The following CRPPA variants were observed in gnomAD, a reference collection of about 807,000 sequenced individuals.
CRPPA encodes D-ribitol-5-phosphate cytidylyltransferase.
A neutral mutation model predicts 52.0 loss-of-function variants in CRPPA; 43 were observed. The ratio of observed to expected loss-of-function variants is 0.83; its 90% CI spans 0.65 to 1.07. The LOEUF (loss-of-function observed/expected upper bound fraction) is 1.07, where lower values mean the gene tolerates loss of function less well. Among genes scored for constraint, CRPPA ranks in the 50% least tolerant of loss-of-function variants. The pLI is 0.00. For missense variants in CRPPA, 629 were observed against 551.7 expected (o/e 1.14, Z -1.40); for synonymous variants, 250 against 203.5 (o/e 1.23, Z -1.94).
chr7:16,140,722 G>A (rs1024671947), intron 9 of CRPPA, among the ~76,000 whole-genome samples: 1 of 152,062 alleles, frequency 6.6e-6, no homozygotes, highest in Admixed American at 6.6e-5. Flanking sequence ...GTTTCAATGG[G>A]TATCAAAAAT....
chr7:16,407,351 A>G (rs539647383), intron 1 of CRPPA, among the ~76,000 whole-genome samples: 1 of 152,180 alleles, frequency 6.6e-6, no homozygotes, highest in Non-Finnish European at 1.5e-5. Context: ...TTGCTGCTGC[A>G]TTAGAGTCTG....
chr7:16,087,865 T>G lies in CRPPA; in HGVS notation c.*3830A>C, dbSNP rs573582828. 6.6e-6 allele frequency: 1 copy of G among 152,314 alleles called. No homozygotes were observed. Among genetic ancestry groups the G allele is most frequent in the Admixed American group, 6.5e-5 (1 of 15,304 alleles). 9.4% of individuals were successfully genotyped at this position (152,314 alleles called of 1,614,324 possible). A position where few individuals can be genotyped will look rare whatever the true frequency, so the allele number is the denominator to read the frequency against. ...ATGTTAGATTTATGCCTCTGTGAAT[T>G]TGTAGTTTCAACATTAAAACAAAGT... On this transcript the variant is annotated 3_prime_UTR_variant, in exon 10 of 10. Transcript: ENST00000407010.
chr7:16,413,388 C>T (rs979568611), intron 1 of CRPPA, among the ~76,000 whole-genome samples: 18 of 152,278 alleles, frequency 1.2e-4, no homozygotes, highest in Admixed American at 4.6e-4. Flanking sequence ...AAATACAAGT[C>T]CCATGACTCA....
intron 2 of CRPPA, among the ~76,000 whole-genome samples, chr7:16,377,231 C>G (rs576389961): frequency 2.0e-4 from 31 of 152,210 alleles, no homozygotes; most frequent in African/African-American, 7.2e-4. Context: ...TCCAGTGCCT[C>G]AAGCAGAAAT....
intron 3 of CRPPA, among the ~76,000 whole-genome samples, chr7:16,369,752 G>A (rs1399695826): frequency 6.6e-6 from 1 of 152,174 alleles, no homozygotes; most frequent in Non-Finnish European, 1.5e-5. Flanking sequence ...AGGGGGTAGA[G>A]ATTCACATTG....
intron 8 of CRPPA, 34 bp downstream of exon 8, chr7:16,258,356 A>G (rs780233814): frequency 7.6e-7 from 1 of 1,318,390 alleles, no homozygotes; most frequent in East Asian, 2.3e-5. Flanking sequence ...AAGGAAGCAT[A>G]AGTTTGAGAA....
At chr7:16,377,823 A>G (rs1786935896) in intron 2 of CRPPA, among the ~76,000 whole-genome samples, 2 of 152,274 alleles carry the variant, frequency 1.3e-5, no homozygotes, top group Admixed American at 1.3e-4. Context: ...GCCCCTCAGC[A>G]CTATGGCACA....
chr7:16,120,861 T>C (rs1562514177), intron 9 of CRPPA, among the ~76,000 whole-genome samples: 1 of 151,940 alleles, frequency 6.6e-6, no homozygotes, highest in African/African-American at 2.4e-5. Context: ...GATAAGGATT[T>C]AAAAAATACA....
At chr7:16,371,012 G>C (rs970460340) in intron 3 of CRPPA, among the ~76,000 whole-genome samples, 2 of 152,152 alleles carry the variant, frequency 1.3e-5, no homozygotes, top group African/African-American at 4.8e-5. Context: ...GATATGAATA[G>C]CCAGAACACT....
chr7:16,421,112 TG>T lies in CRPPA; in HGVS notation c.210del (p.Ile71SerfsTer20). ...MGVPTPKQFC[P>X]ILERPLISYT... ...TAGCTGATGAGCGGCCTCTCCAGGATGGGGCAGAATTGCTTCGGGGTGGGGA... is the reference window on the plus strand; with the variant it reads ...TAGCTGATGAGCGGCCTCTCCAGGATGGGCAGAATTGCTTCGGGGTGGGGA... On this transcript the variant is annotated frameshift_variant, in exon 1 of 10. Coordinates refer to ENST00000407010, the MANE Select transcript of CRPPA (RefSeq NM_001101426.4). LOFTEE classifies it high-confidence loss of function. 7.6e-7 allele frequency: 1 copy of T among 1,312,408 alleles called. No individual in the cohort carries two copies. The highest frequency in any genetic ancestry group is 9.8e-7 in the Non-Finnish European group (1 of 1,023,872). 81.3% of individuals were successfully genotyped at this position (1,312,408 alleles called of 1,614,324 possible).
chr7:16,107,454 AT>A (rs1358498212), intron 9 of CRPPA, among the ~76,000 whole-genome samples: 1 of 152,162 alleles, frequency 6.6e-6, no homozygotes, highest in Non-Finnish European at 1.5e-5. Flanking sequence ...CCAGGAGAAA[AT>A]GGGATGATAT....
In CRPPA at chr7:16,208,916, C is replaced by A. The variant is rs529061478; in HGVS notation, c.1251+7150G>T. The A allele has an allele frequency of 2.7e-5, 8 of 294,546 alleles. 1 individual carries two copies. The highest frequency in any genetic ancestry group is 1.4e-4 in the Admixed American group (4 of 28,494). 18.2% of individuals were successfully genotyped at this position (294,546 alleles called of 1,614,324 possible). A position where few individuals can be genotyped will look rare whatever the true frequency, so the allele number is the denominator to read the frequency against. On this transcript the variant is annotated intron_variant, in intron 9 of 9. Coordinates refer to ENST00000407010, the MANE Select transcript of CRPPA (RefSeq NM_001101426.4). The stretch of plus-strand genomic sequence containing the variant: ...TTAGAATGAATAGAAAGATTTGAGT[C>A]TTTCCATGCCAATAGCATTCCCACA...
intron 4 of CRPPA, among the ~76,000 whole-genome samples, chr7:16,306,447 C>T (rs181126920): frequency 2.0e-5 from 3 of 152,258 alleles, no homozygotes; most frequent in Admixed American, 1.3e-4. Flanking sequence ...AATATAAACA[C>T]CTCACCAAAA....
chr7:16,288,773 G>T (rs1175671899), intron 5 of CRPPA, among the ~76,000 whole-genome samples: 1 of 137,830 alleles, frequency 7.3e-6, no homozygotes, highest in Admixed American at 8.2e-5. Flanking sequence ...TTCAACCGGG[G>T]AAGAGGAGGT....
At chr7:16,362,856 T>C (rs1184668434) in intron 3 of CRPPA, among the ~76,000 whole-genome samples, 2 of 152,188 alleles carry the variant, frequency 1.3e-5, no homozygotes, top group Admixed American at 1.3e-4. Flanking sequence ...ATAAGGCTTG[T>C]CAGAGGTTTG....
chr7:16,252,734 C>G (rs1019191750), intron 8 of CRPPA, among the ~76,000 whole-genome samples: 1 of 152,090 alleles, frequency 6.6e-6, no homozygotes, highest in Admixed American at 6.6e-5. Context: ...CGGTCTGGTC[C>G]TGGATTTTTT....
intron 3 of CRPPA, among the ~76,000 whole-genome samples, chr7:16,327,406 C>A (rs867649074): frequency 6.6e-6 from 1 of 151,864 alleles, no homozygotes; most frequent in Non-Finnish European, 1.5e-5. Context: ...TCCTGGCTAA[C>A]AAGGTGAAAC....
rs148871205 is a variant in CRPPA, at chr7:16,111,663, T to C, written c.1252-19864A>G. Among the ~76,000 whole-genome samples the C allele has an allele frequency of 1.3e-5, 2 of 152,224 alleles. 1 individual carries two copies. Among genetic ancestry groups the C allele is most frequent in the Non-Finnish European group, 2.9e-5 (2 of 68,010 alleles). ...AACATTATGCTAAATAAAATAAGCC[T>C]GACACAGAAGACAAATATCACAGGT... is the stretch of plus-strand genomic sequence containing the variant. On this transcript the variant is annotated intron_variant, in intron 9 of 9. Transcript: ENST00000407010.
chr7:16,228,597 T>C (rs1782711208), intron 8 of CRPPA, among the ~76,000 whole-genome samples: 1 of 151,956 alleles, frequency 6.6e-6, no homozygotes, highest in Non-Finnish European at 1.5e-5. Context: ...CATGTATTTG[T>C]GAATTCTCCA....
Sources: allele counts gnomAD v4.1 joint callset (sites outside exome capture counted in the v4.1 genomes callset), GRCh38; gene constraint gnomAD v4.1.1; transcripts MANE v1.5; gene names NCBI Gene and HGNC (gene_info 2026-07-23, HGNC 2026-07-21).